Variants in CACNA1E observed in about 807,000 individuals in gnomAD.
The protein encoded by CACNA1E is calcium voltage-gated channel subunit alpha1 E.
Under a neutral mutation model 259.2 loss-of-function variants are expected in CACNA1E, and 40 were observed. That is an observed-to-expected ratio of 0.15 (90% confidence interval 0.12 to 0.20). The LOEUF (loss-of-function observed/expected upper bound fraction) is 0.20, where lower values mean the gene tolerates loss of function less well. Among genes scored for constraint, CACNA1E ranks in the 10% least tolerant of loss-of-function variants. The probability of loss-of-function intolerance (pLI) is 1.00; values close to 1 mark genes in which losing one functional copy is unlikely to be tolerated. For synonymous variants in CACNA1E, 1,104 were observed against 1,138.5 expected (o/e 0.97, Z 0.61); for missense variants, 1,874 against 3,040.1 (o/e 0.62, Z 9.02).
intron 2 of CACNA1E, among the ~76,000 whole-genome samples, chr1:181,428,967 A>G (rs996583533): frequency 6.6e-6 from 1 of 152,126 alleles, no homozygotes; most frequent in Non-Finnish European, 1.5e-5. Context: ...GGATCATTTG[A>G]GGTCAGGAGT....
intron 1 of CACNA1E, among the ~76,000 whole-genome samples, chr1:181,406,771 C>T (rs920686018): frequency 3.9e-5 from 6 of 152,182 alleles, no homozygotes; most frequent in South Asian, 2.1e-4. Context: ...AGTTGGTGAG[C>T]GTGGAGTTGG....
At chr1:181,589,337 A>AG (rs1438127567) in intron 6 of CACNA1E, among the ~76,000 whole-genome samples, 1 of 152,212 alleles carries the variant, frequency 6.6e-6, no homozygotes, top group Non-Finnish European at 1.5e-5. Flanking sequence ...AATTTCCATG[A>AG]GGTCATGCGT....
At chr1:181,779,141 G>T (rs1216372835) in intron 38 of CACNA1E, among the ~76,000 whole-genome samples, 1 of 152,214 alleles carries the variant, frequency 6.6e-6, no homozygotes, top group African/African-American at 2.4e-5. Flanking sequence ...CTAGAGCCAG[G>T]GCTGTGTCTG....
chr1:181,731,504 G>A (rs940444975), intron 19 of CACNA1E, among the ~76,000 whole-genome samples: 7 of 152,172 alleles, frequency 4.6e-5, no homozygotes, highest in Non-Finnish European at 8.8e-5. Flanking sequence ...AGTGTTGGTG[G>A]GTATACCTCT....
chr1:181,383,516 T>TA (rs1225070424), intron 1 of CACNA1E, among the ~76,000 whole-genome samples: 1 of 152,188 alleles, frequency 6.6e-6, no homozygotes, highest in Non-Finnish European at 1.5e-5. Context: ...GCAAATGCCT[T>TA]TAGAAAACTC....
intron 1 of CACNA1E, among the ~76,000 whole-genome samples, chr1:181,355,515 G>A (rs754143944): frequency 3.3e-5 from 5 of 152,140 alleles, no homozygotes; most frequent in Non-Finnish European, 7.3e-5. Flanking sequence ...TTGAACCCGG[G>A]ATGGGGAGTT....
chr1:181,397,841 G>C (rs957959354), intron 1 of CACNA1E, among the ~76,000 whole-genome samples: 3 of 152,122 alleles, frequency 2.0e-5, no homozygotes, highest in South Asian at 2.1e-4. Flanking sequence ...GCATTCTCCT[G>C]GTTCTCAAAA....
chr1:181,687,540 G>C (rs927198983), intron 7 of CACNA1E, among the ~76,000 whole-genome samples: 3 of 152,186 alleles, frequency 2.0e-5, no homozygotes, highest in African/African-American at 7.2e-5. Context: ...GAGAGCCCCA[G>C]AGGCTCACCT....
intron 29 of CACNA1E, 64 bp from the exon 30 acceptor site, chr1:181,756,861 C>T (rs1658134982): frequency 4.6e-6 from 5 of 1,084,208 alleles, no homozygotes; most frequent in South Asian, 2.6e-5. Flanking sequence ...TAATAGGTGG[C>T]ACATTTCCTA....
At chr1:181,536,836 A>T (rs1421142284) in intron 3 of CACNA1E, among the ~76,000 whole-genome samples, 6 of 152,012 alleles carry the variant, frequency 3.9e-5, no homozygotes, top group African/African-American at 1.4e-4. Context: ...CCCAACTTTC[A>T]TGCCCATTGC....
chr1:181,723,809 C>T (rs1654633370), intron 16 of CACNA1E, among the ~76,000 whole-genome samples: 1 of 152,156 alleles, frequency 6.6e-6, no homozygotes, highest in African/African-American at 2.4e-5. Context: ...GAGGGAAAGG[C>T]ATGGGGATGG....
At position 181,392,964 on chromosome 1, in the gene CACNA1E, G is replaced by C. The variant is rs1656401693; in HGVS notation, c.-14-20169G>C. ...GAAAATGTAGGGCTGGTTCTTCAGG[G>C]AGGTAAGAATGAGATCTGTGAAATG... On this transcript the variant is annotated intron_variant, in intron 1 of 11. Transcript: ENST00000524607. Among the ~76,000 whole-genome samples the C allele has an allele frequency of 2.0e-5, 3 of 152,242 alleles. No individual in the cohort carries two copies. In the South Asian group the frequency reaches 6.2e-4, roughly 31 times the overall value.
intron 36 of CACNA1E, 158 bp downstream of exon 36, chr1:181,771,542 T>TATAAC: frequency 1.6e-6 from 1 of 608,118 alleles, no homozygotes; most frequent in Non-Finnish European, 3.0e-6. Flanking sequence ...AAACTGCCCC[T>TATAAC]ATAACATTAG....
intron 3 of CACNA1E, among the ~76,000 whole-genome samples, chr1:181,540,949 C>A (rs1668535829): frequency 6.6e-6 from 1 of 152,208 alleles, no homozygotes; most frequent in Admixed American, 6.5e-5. Flanking sequence ...ACGTGGTATT[C>A]AAATGCTCAT....
At position 181,651,360 on chromosome 1, in the gene CACNA1E, C is replaced by T; in HGVS notation, c.974C>T (p.Thr325Ile). The T allele has an allele frequency of 6.2e-7, 1 of 1,613,264 alleles. No homozygotes were observed. The highest frequency in any genetic ancestry group is 8.5e-7 in the Non-Finnish European group (1 of 1,179,254). The change falls in exon 7 of 48, where the codon ACC becomes ATC. Residue 325 changes from threonine (T) to isoleucine (I), a missense_variant. By Grantham distance (89) the Thr-to-Ile change is moderately conservative. Coordinates refer to ENST00000367573, the MANE Select transcript of CACNA1E (RefSeq NM_001205293.3). The part of the protein sequence containing the change: ...LYNTNDALGA[T>I]WNWLYFIPLI... ...CAGACCAATGATGCCTTAGGAGCCA[C>T]CTGGAATTGGCTGTACTTCATCCCC... is the stretch of plus-strand genomic sequence containing the variant.
chr1:181,771,533 A>G (rs1025498378), intron 36 of CACNA1E, 149 bp downstream of exon 36: 1 of 617,052 alleles, frequency 1.6e-6, no homozygotes, highest in Admixed American at 2.7e-5. Flanking sequence ...GTCTTTGCCA[A>G]ACTGCCCCTA....
intron 6 of CACNA1E, among the ~76,000 whole-genome samples, chr1:181,625,184 G>A (rs199936): frequency 0.73 from 110,073 of 151,220 alleles, 41,651 homozygotes; most frequent in East Asian, 0.95. Context: ...AGTAGATTTA[G>A]CATAACTCCT....
intron 6 of CACNA1E, among the ~76,000 whole-genome samples, chr1:181,640,671 G>C (rs558955555): frequency 2.0e-4 from 30 of 152,324 alleles, no homozygotes; most frequent in African/African-American, 6.5e-4. Context: ...GTCTGCCCTT[G>C]TAGGCTGTGC....
chr1:181,787,303 G>A (rs1295753029), intron 43 of CACNA1E, among the ~76,000 whole-genome samples: 1 of 152,012 alleles, frequency 6.6e-6, no homozygotes, highest in African/African-American at 2.4e-5. Flanking sequence ...GTAGAGACGG[G>A]GTTTCACCGT....
Sources: allele counts gnomAD v4.1 joint callset (sites outside exome capture counted in the v4.1 genomes callset), GRCh38; gene constraint gnomAD v4.1.1; transcripts MANE v1.5; gene names NCBI Gene and HGNC (gene_info 2026-07-23, HGNC 2026-07-21).